CAMK1D: variants seen among roughly 807,000 people sequenced by gnomAD.
CAMK1D encodes calcium/calmodulin-dependent protein kinase type 1D.
CAMK1D carries 9 observed loss-of-function variants against 47.7 expected under a neutral mutation model. That is an observed-to-expected ratio of 0.19 (90% CI 0.11 to 0.33). The LOEUF (loss-of-function observed/expected upper bound fraction) is 0.33. Ranked by LOEUF, CAMK1D falls within the 10% of genes least tolerant of loss-of-function variation. The probability of loss-of-function intolerance (pLI) is 1.00; values close to 1 mark genes in which losing one functional copy is unlikely to be tolerated. For synonymous variants in CAMK1D, 184 were observed against 184.9 expected, an observed-to-expected ratio of 0.99 and a Z score of 0.04; for missense variants, 291 against 488.7, an observed-to-expected ratio of 0.60 and a Z score of 3.81.
intron 1 of CAMK1D, among the ~76,000 whole-genome samples, chr10:12,388,167 C>T (rs898666107): frequency 2.6e-5 from 4 of 152,104 alleles, no homozygotes; most frequent in East Asian, 1.9e-4. Flanking sequence ...GAAGTACAGG[C>T]GTGTGTGTGC....
At chr10:12,361,447 A>G (rs1837659071) in intron 1 of CAMK1D, among the ~76,000 whole-genome samples, 2 of 149,940 alleles carry the variant, frequency 1.3e-5, no homozygotes, top group African/African-American at 4.9e-5. Flanking sequence ...GGGTTTTACC[A>G]TGTTGGCCAG....
chr10:12,430,511 G>A (rs528983679), intron 1 of CAMK1D, among the ~76,000 whole-genome samples: 118 of 152,228 alleles, frequency 7.8e-4, no homozygotes, highest in African/African-American at 2.7e-3. Flanking sequence ...TTAATTACAC[G>A]ACTTTTTCCT....
chr10:12,449,913 C>T (rs1012399243), intron 1 of CAMK1D, among the ~76,000 whole-genome samples: 8 of 152,040 alleles, frequency 5.3e-5, no homozygotes, highest in African/African-American at 9.7e-5. Context: ...GTGGGAGAAT[C>T]GCTTGACTTG....
intron 2 of CAMK1D, among the ~76,000 whole-genome samples, chr10:12,556,260 T>C (rs577587822): frequency 1.3e-5 from 2 of 152,196 alleles, no homozygotes; most frequent in East Asian, 1.9e-4. Flanking sequence ...CCACTCAGAA[T>C]GTTGTCATGG....
chr10:12,705,525 C>T (rs1039772146), intron 3 of CAMK1D, among the ~76,000 whole-genome samples: 1 of 152,098 alleles, frequency 6.6e-6, no homozygotes, highest in African/African-American at 2.4e-5. Flanking sequence ...CAATAATAAA[C>T]ATCTTGTTTT....
chr10:12,467,984 T>C (rs1348435336), intron 1 of CAMK1D, among the ~76,000 whole-genome samples: 1 of 152,198 alleles, frequency 6.6e-6, no homozygotes, highest in East Asian at 1.9e-4. Flanking sequence ...CAGTACAATA[T>C]CATAACCAGG....
intron 2 of CAMK1D, among the ~76,000 whole-genome samples, chr10:12,616,293 C>T (rs1360227149): frequency 6.6e-6 from 1 of 152,070 alleles, no homozygotes; most frequent in African/African-American, 2.4e-5. Context: ...TATAATGTTT[C>T]AAAATTGATT....
At chr10:12,369,955 C>CA (rs577405105) in intron 1 of CAMK1D, among the ~76,000 whole-genome samples, 3,088 of 115,412 alleles carry the variant, frequency 0.027, 76 homozygotes, top group African/African-American at 0.067. Flanking sequence ...GACTCTGTCT[C>CA]AAAAAAAAAA....
At chr10:12,486,360 G>A (rs1053721936) in intron 1 of CAMK1D, among the ~76,000 whole-genome samples, 4 of 152,098 alleles carry the variant, frequency 2.6e-5, no homozygotes, top group Admixed American at 6.5e-5. Flanking sequence ...GGGTTTCACT[G>A]TGTTAGCCAG....
chr10:12,509,852 G>T (rs1197103539), intron 1 of CAMK1D, among the ~76,000 whole-genome samples: 1 of 152,228 alleles, frequency 6.6e-6, no homozygotes, highest in East Asian at 1.9e-4. Flanking sequence ...GTTCACCCAG[G>T]ACATCATTGG....
chr10:12,752,180 A>G (rs774860875), intron 3 of CAMK1D, among the ~76,000 whole-genome samples: 3 of 151,954 alleles, frequency 2.0e-5, no homozygotes, highest in Non-Finnish European at 4.4e-5. Flanking sequence ...ATGGGATTTC[A>G]CCATGTTGGC....
intron 1 of CAMK1D, among the ~76,000 whole-genome samples, chr10:12,373,950 CTT>C (rs1838088825): frequency 1.1e-5 from 1 of 92,890 alleles, no homozygotes; most frequent in Non-Finnish European, 2.0e-5. Flanking sequence ...CAGCGACACT[CTT>C]TATCAAAAAA....
chr10:12,725,213 G>A (rs1042746527), intron 3 of CAMK1D: 1 of 154,056 alleles, frequency 6.5e-6, no homozygotes, highest in African/African-American at 2.4e-5. Flanking sequence ...GGGGCTCTTT[G>A]TCAGCCATGG....
intron 1 of CAMK1D, among the ~76,000 whole-genome samples, chr10:12,538,164 C>G (rs7902362): frequency 0.28 from 43,174 of 152,134 alleles, 6,396 homozygotes; most frequent in East Asian, 0.37. Context: ...GGAAAATAGA[C>G]CCGCTTAGTT....
At chr10:12,783,466 G>T (rs533066446) in intron 5 of CAMK1D, among the ~76,000 whole-genome samples, 79 of 152,244 alleles carry the variant, frequency 5.2e-4, no homozygotes, top group Non-Finnish European at 5.9e-4. Context: ...CTGAACGTGG[G>T]CTTCCTAGGA....
intron 1 of CAMK1D, among the ~76,000 whole-genome samples, chr10:12,472,038 A>T (rs1449244194): frequency 1.3e-5 from 2 of 150,828 alleles, no homozygotes; most frequent in Non-Finnish European, 2.9e-5. Context: ...CTGTCTCAAA[A>T]AAAAAAAAAA....
chr10:12,515,632 CAG>C (rs1835185805), intron 1 of CAMK1D, among the ~76,000 whole-genome samples: 4 of 128,026 alleles, frequency 3.1e-5, no homozygotes, highest in South Asian at 5.0e-4. Context: ...TTTTTTGAGA[CAG>C]AGTCTCGCTC....
chr10:12,800,373 T>C (rs983032155), intron 6 of CAMK1D, among the ~76,000 whole-genome samples: 3 of 152,256 alleles, frequency 2.0e-5, no homozygotes, highest in African/African-American at 7.2e-5. Flanking sequence ...AAGTCTGTCA[T>C]ATTATACAGA....
chr10:12,427,724 T>TTG (rs1840297773), intron 1 of CAMK1D, among the ~76,000 whole-genome samples: 1 of 136,994 alleles, frequency 7.3e-6, no homozygotes. Context: ...TTTTTTTTTT[T>TTG]TGAGACGGAG....
Sources: allele counts gnomAD v4.1 joint callset (sites outside exome capture counted in the v4.1 genomes callset), GRCh38; gene constraint gnomAD v4.1.1; transcripts MANE v1.5; gene names NCBI Gene and HGNC (gene_info 2026-07-23, HGNC 2026-07-21).